Variants in NPAS3 observed in about 807,000 individuals in gnomAD.
NPAS3 encodes the protein neuronal PAS domain protein 3.
Under a neutral mutation model 73.1 loss-of-function variants are expected in NPAS3, and 14 were observed. The observed-to-expected ratio is 0.19, with a 90% CI of 0.13 to 0.30. The LOEUF (loss-of-function observed/expected upper bound fraction) is 0.30. NPAS3 is among the 10% of genes least tolerant of loss of function. The pLI is 1.00. For missense variants in NPAS3, 1,096 were observed against 1,250.0 expected (o/e 0.88, Z 1.86); for synonymous variants, 620 against 541.5 (o/e 1.14, Z -2.01).
chr14:33,333,727 C>T (rs1566805909), intron 3 of NPAS3, among the ~76,000 whole-genome samples: 1 of 152,032 alleles, frequency 6.6e-6, no homozygotes, highest in South Asian at 2.1e-4. Flanking sequence ...ATATAACATA[C>T]TCAATAAAAG....
At chr14:33,532,253 A>C (rs2054079295) in intron 4 of NPAS3, among the ~76,000 whole-genome samples, 1 of 152,152 alleles carries the variant, frequency 6.6e-6, no homozygotes, top group Non-Finnish European at 1.5e-5. Context: ...TCCTTTTTAA[A>C]GTTCAATTCT....
At chr14:33,503,846 A>G (rs2052632578) in intron 4 of NPAS3, among the ~76,000 whole-genome samples, 1 of 151,798 alleles carries the variant, frequency 6.6e-6, no homozygotes, top group Admixed American at 6.6e-5. Flanking sequence ...CTTTAGGGGG[A>G]GAATTTATTT....
intron 2 of NPAS3, among the ~76,000 whole-genome samples, chr14:33,077,688 A>G (rs1168232631): frequency 6.7e-6 from 1 of 150,178 alleles, no homozygotes; most frequent in African/African-American, 2.4e-5. Flanking sequence ...AGCACTTTCA[A>G]GACTTGATTT....
chr14:33,487,313 A>G (rs2051657927), intron 4 of NPAS3, among the ~76,000 whole-genome samples: 1 of 152,206 alleles, frequency 6.6e-6, no homozygotes, highest in African/African-American at 2.4e-5. Context: ...TTAGTGGATC[A>G]TCTTTCTGAA....
At chr14:33,480,308 T>C (rs538693586) in intron 4 of NPAS3, among the ~76,000 whole-genome samples, 1 of 152,288 alleles carries the variant, frequency 6.6e-6, no homozygotes, top group East Asian at 1.9e-4. Flanking sequence ...TACGTAGATA[T>C]ACAACTATAA....
At chr14:32,948,572 A>G (rs985310168) in intron 1 of NPAS3, among the ~76,000 whole-genome samples, 6 of 152,030 alleles carry the variant, frequency 3.9e-5, no homozygotes, top group Admixed American at 6.6e-5. Context: ...TTTACGAGCA[A>G]TGGTTAGTTT....
At chr14:33,697,902 G>C (rs1230399091) in intron 6 of NPAS3, among the ~76,000 whole-genome samples, 1 of 152,206 alleles carries the variant, frequency 6.6e-6, no homozygotes, top group African/African-American at 2.4e-5. Context: ...TCTCCTCAAT[G>C]TGTCTTTCTC....
chr14:33,570,914 A>G (rs1012783779), intron 5 of NPAS3, among the ~76,000 whole-genome samples: 1 of 152,168 alleles, frequency 6.6e-6, no homozygotes, highest in African/African-American at 2.4e-5. Context: ...GATGTTACTA[A>G]TTTTGAGCTG....
chr14:33,160,463 G>T (rs2044823683), intron 2 of NPAS3, among the ~76,000 whole-genome samples: 1 of 142,934 alleles, frequency 7.0e-6, no homozygotes. Flanking sequence ...GCTCTGGGAA[G>T]GGGAACATCA....
chr14:33,454,720 G>C (rs1156710984), intron 4 of NPAS3, among the ~76,000 whole-genome samples: 1 of 152,138 alleles, frequency 6.6e-6, no homozygotes, highest in African/African-American at 2.4e-5. Context: ...AATAAACCGG[G>C]GAGTTGGGGA....
rs73256853 is a variant in NPAS3 at position 33,322,896 on chromosome 14, C to T, written c.386-44290C>T. On this transcript the variant is annotated intron_variant, in intron 3 of 11. Coordinates refer to ENST00000356141, the Ensembl canonical transcript of NPAS3. ...CTTTCTGCCTATTTGTATATCTGAC[C>T]CTCTTGATAAAAATCATCAGAGATT... Among the ~76,000 whole-genome samples the T allele has an allele frequency of 2.8e-3, 422 of 152,146 alleles. 2 individuals carry two copies. Among genetic ancestry groups the T allele is most frequent in the African/African-American group, 9.8e-3 (405 of 41,514 alleles).
intron 9 of NPAS3, among the ~76,000 whole-genome samples, chr14:33,788,408 T>G (rs1018337182): frequency 6.6e-6 from 1 of 152,214 alleles, no homozygotes; most frequent in African/African-American, 2.4e-5. Flanking sequence ...TTCCTATTTA[T>G]TCTATACTTA....
At chr14:33,795,518 T>G (rs182325523) in intron 10 of NPAS3, among the ~76,000 whole-genome samples, 56 of 152,348 alleles carry the variant, frequency 3.7e-4, no homozygotes, top group African/African-American at 1.3e-3. Context: ...GACATTCTTT[T>G]GCTAGGCAAA....
chr14:33,110,018 A>T (rs1296084066), intron 2 of NPAS3, among the ~76,000 whole-genome samples: 1 of 151,794 alleles, frequency 6.6e-6, no homozygotes, highest in African/African-American at 2.4e-5. Context: ...CCAGTTCCTT[A>T]TACGAAGGCT....
chr14:33,032,557 G>A (rs778232501), intron 1 of NPAS3, among the ~76,000 whole-genome samples: 27 of 152,264 alleles, frequency 1.8e-4, no homozygotes, highest in Non-Finnish European at 3.8e-4. Context: ...CTGAAGTCCT[G>A]GCCAGGGAAT....
At chr14:33,598,223 T>C (rs17485152) in intron 5 of NPAS3, among the ~76,000 whole-genome samples, 6,971 of 152,280 alleles carry the variant, frequency 0.046, 231 homozygotes, top group Non-Finnish European at 0.068. Context: ...CTAATCCTAG[T>C]TGCCTTTTCC....
chr14:33,476,079 C>T (rs1377504190), intron 4 of NPAS3, among the ~76,000 whole-genome samples: 2 of 152,152 alleles, frequency 1.3e-5, no homozygotes, highest in African/African-American at 4.8e-5. Flanking sequence ...GCAAACATAA[C>T]GATGGTTTTT....
chr14:33,698,771 A>T (rs1440344566), intron 6 of NPAS3, among the ~76,000 whole-genome samples: 1 of 152,212 alleles, frequency 6.6e-6, no homozygotes, highest in African/African-American at 2.4e-5. Context: ...AAGAATCTCC[A>T]TTGTAATTTT....
chr14:33,315,811 G>C (rs1455760660), intron 3 of NPAS3, among the ~76,000 whole-genome samples: 1 of 151,996 alleles, frequency 6.6e-6, no homozygotes, highest in African/African-American at 2.4e-5. Context: ...AGTAAAAGGA[G>C]ACCAGAGGGG....
Sources: gnomAD v4.1 joint callset for allele counts (sites outside exome capture counted in the v4.1 genomes callset) on GRCh38, gnomAD v4.1.1 for gene constraint, MANE v1.5 for transcripts, NCBI Gene and HGNC (gene_info 2026-07-23, HGNC 2026-07-21) for gene names.